Variants in AGL observed in about 807,000 individuals in gnomAD.
AGL encodes amylo-alpha-1,6-glucosidase and 4-alpha-glucanotransferase, also known as glycogen debranching enzyme.
In AGL, 128 loss-of-function variants were observed where a neutral mutation model predicts 199.3. The ratio of observed to expected loss-of-function variants is 0.64; its 90% CI spans 0.56 to 0.74. The LOEUF (loss-of-function observed/expected upper bound fraction) is 0.74, where lower values mean the gene tolerates loss of function less well. AGL is among the 30% of genes least tolerant of loss of function. The pLI is 0.00. For missense variants in AGL, 1,809 were observed against 1,820.8 expected, an observed-to-expected ratio of 0.99 and a Z score of 0.12; for synonymous variants, 584 against 594.7, an observed-to-expected ratio of 0.98 and a Z score of 0.26.
At chr1:99,893,047 A>G (rs908814158) in intron 24 of AGL, among the ~76,000 whole-genome samples, 4 of 152,208 alleles carry the variant, frequency 2.6e-5, no homozygotes, top group Non-Finnish European at 5.9e-5. Flanking sequence ...AATGCTTTCA[A>G]CATTTGAATA....
Position 99,881,349 on chromosome 1 carries a change from T to G in AGL, c.2059T>G (p.Ser687Ala), listed in dbSNP as rs577533220. The change falls in exon 16 of 34, where the codon TCA (serine) becomes GCA (alanine). Residue 687 changes from serine (S) to alanine (A), a missense_variant. By Grantham distance (99) the Ser-to-Ala change is moderately conservative. Coordinates refer to ENST00000361915, the MANE Select transcript of AGL (RefSeq NM_000642.3). Reference protein sequence around the residue: ...YTKWNPEALPSNTGEVNFQSG... With the variant: ...YTKWNPEALPANTGEVNFQSG... ...TAAGTGGAATCCTGAAGCATTGCCT[T>G]CAAACACAGGTGAAGTTAATTTCCA... 9.3e-6 allele frequency: 15 copies of G among 1,614,122 alleles called. No individual in the cohort carries two copies. In the South Asian group the frequency reaches 1.6e-4, roughly 18 times the overall value.
intron 11 of AGL, among the ~76,000 whole-genome samples, chr1:99,877,238 C>T (rs966979484): frequency 7.9e-5 from 12 of 152,146 alleles, no homozygotes; most frequent in East Asian, 7.7e-4. Context: ...CCATTCTAAA[C>T]GAAATCAAGC....
At chr1:99,868,571 C>T (rs1031164618) in intron 5 of AGL, among the ~76,000 whole-genome samples, 1 of 152,066 alleles carries the variant, frequency 6.6e-6, no homozygotes, top group Non-Finnish European at 1.5e-5. Context: ...GAGACTGTGC[C>T]ACTGTACTCC....
In AGL at chr1:99,884,421, A is replaced by C; in HGVS notation, c.2516A>C (p.Asn839Thr). 7 of 1,613,030 alleles carry C rather than the reference A, an allele frequency of 4.3e-6. No homozygotes were observed. Among genetic ancestry groups the C allele is most frequent in the Non-Finnish European group, 5.9e-6 (7 of 1,179,504 alleles). The change falls in exon 19 of 34, where the codon AAC becomes ACC. Residue 839 changes from asparagine (N) to threonine (T), a missense_variant. Physicochemically the swap from Asn to Thr is moderately conservative, Grantham distance 65 (BLOSUM62 0). Transcript: ENST00000361915. ...NEYIQEIEFE[N>T]LSPGSVIIFR... ...TATATTCAAGAAATAGAATTTGAAA[A>C]CTTGTCTCCAGGAAGTGTTATTATA...
chr1:99,862,905 C>T (rs1191580674), intron 4 of AGL, among the ~76,000 whole-genome samples: 11 of 151,808 alleles, frequency 7.2e-5, no homozygotes. Flanking sequence ...AATTTTGTTT[C>T]TTATTATTTA....
chr1:99,896,482 C>A, intron 25 of AGL, 94 bp downstream of exon 25: 1 of 944,864 alleles, frequency 1.1e-6, no homozygotes, highest in Non-Finnish European at 1.7e-6. Context: ...CTTTTCTTAA[C>A]ATTTGGGAGC....
At chr1:99,875,595 A>G in intron 10 of AGL, 140 bp downstream of exon 10, 3 of 774,666 alleles carry the variant, frequency 3.9e-6, no homozygotes, top group East Asian at 2.7e-5. Context: ...TGATTTGGAC[A>G]TAGGCTTAAT....
At chr1:99,914,124 T>TGAAAA (rs974169768) in intron 30 of AGL, among the ~76,000 whole-genome samples, 5 of 151,684 alleles carry the variant, frequency 3.3e-5, no homozygotes, top group African/African-American at 1.2e-4. Flanking sequence ...CCACCATATT[T>TGAAAA]GAAAAGAAAA....
At position 99,870,548 on chromosome 1, in the gene AGL, AC is replaced by A; in HGVS notation, c.815del (p.Pro272LeufsTer3). On this transcript the variant is annotated frameshift_variant, in exon 6 of 34. Coordinates refer to ENST00000361915, the MANE Select transcript of AGL (RefSeq NM_000642.3). LOFTEE classifies it high-confidence loss of function. ...AEGKYKEKGI[P>X]ALIENDHHMN... Reference sequence around the variant, plus strand: ...AAGGGAAATACAAAGAAAAGGGAATACCTGCTTTGATTGAAAATGATCACCA... The same window carrying A: ...AAGGGAAATACAAAGAAAAGGGAATACTGCTTTGATTGAAAATGATCACCA... The A allele has an allele frequency of 6.2e-7, 1 of 1,614,060 alleles. No individual in the cohort carries two copies. The highest frequency in any genetic ancestry group is 8.5e-7 in the Non-Finnish European group (1 of 1,179,966).
intron 7 of AGL, 175 bp from the exon 8 acceptor site, chr1:99,874,512 T>C (rs1437868761): frequency 6.4e-6 from 4 of 629,618 alleles, no homozygotes; most frequent in Non-Finnish European, 1.1e-5. Flanking sequence ...TGCACGCACG[T>C]GCACACACGT....
rs3766603 is a variant in AGL, at chr1:99,923,192, T to C, written c.*1541T>C. On this transcript the variant is annotated 3_prime_UTR_variant, in exon 34 of 34. Coordinates refer to ENST00000361915, the MANE Select transcript of AGL (RefSeq NM_000642.3). ...CAGTAATCTGACCACTATCTATAAA[T>C]ACATTGGACATTGGTTTCCAAATCT... 0.4 allele frequency: 61,511 copies of C among 151,932 alleles called. 12,970 individuals carry two copies. Among genetic ancestry groups the C allele is most frequent in the East Asian group, 0.56 (2,876 of 5,170 alleles). The allele number at this position is 151,932 out of a possible 1,614,324, so 9.4% of individuals were successfully genotyped here.
In AGL at chr1:99,915,371, G is replaced by C. The variant is rs761800894; in HGVS notation, c.4162-18G>C. The C allele has an allele frequency of 1.0e-5, 16 of 1,591,016 alleles. No homozygotes were observed. The highest frequency in any genetic ancestry group is 1.4e-5 in the Non-Finnish European group (16 of 1,159,580). On this transcript the variant is annotated intron_variant, in intron 30 of 33. Transcript: ENST00000361915. The stretch of plus-strand genomic sequence containing the variant: ...TGTGATCTTAAAAATTTGTATATTT[G>C]TTTTTGGCATTCACTAGGCCCCTGA...
chr1:99,901,002 C>A, intron 26 of AGL, 141 bp downstream of exon 26: 1 of 787,148 alleles, frequency 1.3e-6, no homozygotes, highest in Non-Finnish European at 2.0e-6. Context: ...TTGGCACCTG[C>A]TGGTACTATA....
Position 99,861,608 on chromosome 1 carries a change from G to A in AGL, c.188G>A (p.Arg63His), listed in dbSNP as rs199958942. 5.6e-5 allele frequency: 90 copies of A among 1,613,802 alleles called. No individual in the cohort carries two copies. The highest frequency in any genetic ancestry group is 1.6e-4 in the African/African-American group (12 of 74,996). The stretch of plus-strand genomic sequence containing the variant: ...GAAACATTTAATAGAGAAAAATTCC[G>A]TTCTCTGGATTGGGAAAATCCAACA... The part of the protein sequence containing the change: ...PGETFNREKF[R>H]SLDWENPTER... The change falls in exon 3 of 34, where the codon CGT becomes CAT. Residue 63 changes from arginine (R) to histidine (H), a missense_variant. Physicochemically the swap from Arg to His is conservative, Grantham distance 29 (BLOSUM62 0). Coordinates refer to ENST00000361915, the MANE Select transcript of AGL (RefSeq NM_000642.3).
intron 33 of AGL, among the ~76,000 whole-genome samples, chr1:99,919,184 C>T (rs758143779): frequency 6.6e-6 from 1 of 152,204 alleles, no homozygotes; most frequent in Admixed American, 6.5e-5. Flanking sequence ...TGTGTTCCCC[C>T]TCTCTGTGCC....
rs375256646 is a variant in AGL at position 99,887,971 on chromosome 1, T to C, written c.2682-7T>C. The C allele has an allele frequency of 5.4e-5, 87 of 1,612,990 alleles. No homozygotes were observed. The highest frequency in any genetic ancestry group is 6.2e-5 in the Non-Finnish European group (73 of 1,179,400). ...ATATATGGTTATCTTTATTTTCCAA[T>C]TCTTAGTCTTGCCTCCAGATTAACT... On this transcript the variant is annotated splice_region_variant and splice_polypyrimidine_tract_variant and intron_variant, in intron 20 of 33. Transcript: ENST00000361915.
At chr1:99,853,637 CAG>C (rs1316660596) in intron 2 of AGL, among the ~76,000 whole-genome samples, 1 of 152,200 alleles carries the variant, frequency 6.6e-6, no homozygotes, top group Non-Finnish European at 1.5e-5. Context: ...CTTGTAATCT[CAG>C]TGCTTTGGGA....
At chr1:99,905,336 C>T (rs538415609) in intron 27 of AGL, among the ~76,000 whole-genome samples, 9 of 152,182 alleles carry the variant, frequency 5.9e-5, no homozygotes, top group African/African-American at 2.2e-4. Context: ...AGCTGGACTA[C>T]AGGTGCATGC....
At chr1:99,912,747 C>T (rs548324764) in intron 29 of AGL, among the ~76,000 whole-genome samples, 1 of 152,180 alleles carries the variant, frequency 6.6e-6, no homozygotes, top group Non-Finnish European at 1.5e-5. Flanking sequence ...CTTTATTGTG[C>T]ATGTCTTTTT....
Sources: allele counts gnomAD v4.1 joint callset (sites outside exome capture counted in the v4.1 genomes callset), GRCh38; gene constraint gnomAD v4.1.1; transcripts MANE v1.5; gene names NCBI Gene and HGNC (gene_info 2026-07-23, HGNC 2026-07-21).